COPS4: variants seen among roughly 807,000 people sequenced by gnomAD.
The protein encoded by COPS4 is COP9 signalosome complex subunit 4.
In COPS4, 8 loss-of-function variants were observed where a neutral mutation model predicts 55.1. The ratio of observed to expected loss-of-function variants is 0.15; its 90% CI spans 0.09 to 0.26. The LOEUF (loss-of-function observed/expected upper bound fraction) is 0.26. COPS4 is among the 10% of genes least tolerant of loss of function. The probability of loss-of-function intolerance (pLI) is 1.00; values close to 1 mark genes in which losing one functional copy is unlikely to be tolerated. For synonymous variants in COPS4, 185 were observed against 165.7 expected, an observed-to-expected ratio of 1.12 and a Z score of -0.90; for missense variants, 248 against 484.0, an observed-to-expected ratio of 0.51 and a Z score of 4.58.
chr4:83,049,520 G>T, intron 3 of COPS4: 2 of 524,224 alleles, frequency 3.8e-6, no homozygotes, highest in Non-Finnish European at 6.5e-6. Flanking sequence ...AGTAAAATTT[G>T]ATTTTGTGAA....
chr4:83,068,787 C>T (rs1355251472), intron 9 of COPS4, among the ~76,000 whole-genome samples: 6 of 151,970 alleles, frequency 3.9e-5, no homozygotes, highest in African/African-American at 7.2e-5. Flanking sequence ...CTGGCCAACA[C>T]GGTGAAACCC....
At chr4:83,062,764 A>C (rs959047504) in intron 6 of COPS4, among the ~76,000 whole-genome samples, 1 of 152,212 alleles carries the variant, frequency 6.6e-6, no homozygotes, top group African/African-American at 2.4e-5. Flanking sequence ...AATGTTAATG[A>C]ATCAACAATA....
chr4:83,037,797 A>G (rs959475940), intron 1 of COPS4, among the ~76,000 whole-genome samples: 1 of 152,152 alleles, frequency 6.6e-6, no homozygotes, highest in Non-Finnish European at 1.5e-5. Context: ...AGCAATTGGG[A>G]TATCTGTAAC....
chr4:83,055,909 TTTC>T (rs1731001017), intron 4 of COPS4, among the ~76,000 whole-genome samples: 1 of 145,730 alleles, frequency 6.9e-6, no homozygotes, highest in African/African-American at 2.5e-5. Context: ...TAGGATTTCT[TTTC>T]TTTTCTTTTT....
chr4:83,074,450 A>AT (rs1731512771), intron 9 of COPS4, among the ~76,000 whole-genome samples: 1 of 146,454 alleles, frequency 6.8e-6, no homozygotes, highest in Non-Finnish European at 1.5e-5. Context: ...ATTAGCCAAG[A>AT]TTTTTTAGAG....
chr4:83,068,423 T>C lies in COPS4; in HGVS notation c.1003-15T>C. Reference sequence around the variant, plus strand: ...ATATGATAAAGTTTCTGAGAGTTTTTTTTTCCCCCAATAGGCGGAAAAGAT... The same window carrying C: ...ATATGATAAAGTTTCTGAGAGTTTTCTTTTCCCCCAATAGGCGGAAAAGAT... On this transcript the variant is annotated splice_polypyrimidine_tract_variant and intron_variant, in intron 8 of 9. Coordinates refer to ENST00000264389, the MANE Select transcript of COPS4 (RefSeq NM_016129.3). 6.3e-7 allele frequency: 1 copy of C among 1,575,314 alleles called. No individual in the cohort carries two copies. The highest frequency in any genetic ancestry group is 8.7e-7 in the Non-Finnish European group (1 of 1,148,608).
chr4:83,044,506 G>C (rs1418355836), intron 1 of COPS4, among the ~76,000 whole-genome samples: 2 of 151,110 alleles, frequency 1.3e-5, no homozygotes, highest in Admixed American at 6.6e-5. Context: ...GGCCGGGCAC[G>C]GTGGCTAACG....
chr4:83,069,360 T>C (rs1731364244), intron 9 of COPS4, among the ~76,000 whole-genome samples: 1 of 152,236 alleles, frequency 6.6e-6, no homozygotes, highest in African/African-American at 2.4e-5. Flanking sequence ...TCCGTTACTC[T>C]CAGTTCAATT....
chr4:83,048,934 C>T lies in COPS4; in HGVS notation c.155-232C>T, dbSNP rs114477702. Among the ~76,000 whole-genome samples the T allele has an allele frequency of 1.3e-3, 200 of 152,150 alleles. 1 individual carries two copies. Among genetic ancestry groups the T allele is most frequent in the African/African-American group, 4.6e-3 (190 of 41,508 alleles). On this transcript the variant is annotated intron_variant, in intron 2 of 9. Coordinates refer to ENST00000264389, the MANE Select transcript of COPS4 (RefSeq NM_016129.3). Reference sequence around the variant, plus strand: ...TGCTGAGATTACAGGCGTGAGCCATCGCACTGGCCTATTTTTACTGTTTTT... The same window carrying T: ...TGCTGAGATTACAGGCGTGAGCCATTGCACTGGCCTATTTTTACTGTTTTT...
In COPS4 at chr4:83,050,004, T is replaced by C. The variant is rs557021764; in HGVS notation, c.410+20T>C. 3 of 1,413,082 alleles carry C rather than the reference T, an allele frequency of 2.1e-6. No individual in the cohort carries two copies. The highest frequency in any genetic ancestry group is 2.4e-5 in the South Asian group (2 of 83,926). The allele number at this position is 1,413,082 out of a possible 1,614,324, so 87.5% of individuals were successfully genotyped here. On this transcript the variant is annotated intron_variant, in intron 4 of 9. Coordinates refer to ENST00000264389, the MANE Select transcript of COPS4 (RefSeq NM_016129.3). ...ACAAAAGTATAGTAAATAGTGGATA[T>C]TGGATGACTATATATAGGATGTATA...
At chr4:83,049,404 A>G in intron 3 of COPS4, 87 bp downstream of exon 3, 2 of 1,203,862 alleles carry the variant, frequency 1.7e-6, no homozygotes, top group South Asian at 1.6e-5. Context: ...AAAGGAGATA[A>G]TCATCCAATT....
chr4:83,070,022 C>T (rs1731380687), intron 9 of COPS4, among the ~76,000 whole-genome samples: 1 of 152,174 alleles, frequency 6.6e-6, no homozygotes, highest in Non-Finnish European at 1.5e-5. Flanking sequence ...CTTTTATCTT[C>T]CAAATCTCAT....
At chr4:83,055,069 G>C (rs549767702) in intron 4 of COPS4, among the ~76,000 whole-genome samples, 1 of 152,230 alleles carries the variant, frequency 6.6e-6, no homozygotes, top group South Asian at 2.1e-4. Context: ...ATTCTCCTTT[G>C]CCCCCAAATC....
intron 4 of COPS4, among the ~76,000 whole-genome samples, chr4:83,054,203 G>A (rs1265827024): frequency 6.6e-6 from 1 of 152,100 alleles, no homozygotes; most frequent in African/African-American, 2.4e-5. Context: ...TTAGCCAGGT[G>A]TGGTGGCAGG....
At position 83,063,288 on chromosome 4, in the gene COPS4, G is replaced by C. The variant is rs1479378427; in HGVS notation, c.886+42G>C. 4.4e-6 allele frequency: 6 copies of C among 1,373,938 alleles called. No homozygotes were observed. In the African/African-American group the frequency reaches 8.0e-5, roughly 18 times the overall value. 85.1% of individuals were successfully genotyped at this position (1,373,938 alleles called of 1,614,324 possible). A position where few individuals can be genotyped will look rare whatever the true frequency, so the allele number is the denominator to read the frequency against. Reference sequence around the variant, plus strand: ...ATGTGTATATGGTAGTCAATGTTTAGGTACAGACTAGTGAAAATCATGTTA... The same window carrying C: ...ATGTGTATATGGTAGTCAATGTTTACGTACAGACTAGTGAAAATCATGTTA... On this transcript the variant is annotated intron_variant, in intron 7 of 9. Transcript: ENST00000264389.
At position 83,075,504 on chromosome 4, in the gene COPS4, T is replaced by G; in HGVS notation, c.*74T>G. The G allele has an allele frequency of 6.5e-7, 1 of 1,544,134 alleles. No individual in the cohort carries two copies. The highest frequency in any genetic ancestry group is 1.2e-5 in the South Asian group (1 of 86,728). On this transcript the variant is annotated 3_prime_UTR_variant, in exon 10 of 10. Transcript: ENST00000264389. ...GATCAGTTTCACTATCTCCAAAGCA[T>G]TTGCATCATGACCTTATACATTTCA...
intron 7 of COPS4, chr4:83,065,061 G>T: frequency 1.4e-6 from 1 of 691,060 alleles, no homozygotes; most frequent in South Asian, 1.5e-5. Context: ...TTTTTGTAGA[G>T]ACAGGATCTC....
At position 83,039,694 on chromosome 4, in the gene COPS4, A is replaced by T. The variant is rs140932741; in HGVS notation, c.74+4396A>T. 1.8e-3 allele frequency among the ~76,000 whole-genome samples: 281 copies of T among 152,212 alleles called. 2 individuals carry two copies. The highest frequency in any genetic ancestry group is 6.4e-3 in the African/African-American group (267 of 41,520). ...TTGCCCTGGCTTGAGTGCAGTAGAG[A>T]GATCATGGCTTACTACAGCCTTAAC... On this transcript the variant is annotated intron_variant, in intron 1 of 9. Transcript: ENST00000264389.
At position 83,057,006 on chromosome 4, in the gene COPS4, C is replaced by T. The variant is rs1311660242; in HGVS notation, c.491C>T (p.Ala164Val). 1 of 1,613,626 alleles carries T rather than the reference C, an allele frequency of 6.2e-7. No individual in the cohort carries two copies. Among genetic ancestry groups the T allele is most frequent in the South Asian group, 1.1e-5 (1 of 91,074 alleles). The part of the protein sequence containing the change: ...LYLEDDDPVQ[A>V]EAYINRASLL... ...CTGGAGGATGATGATCCAGTCCAGG[C>T]AGAGGCTTACATAAATCGAGCATCG... is the stretch of plus-strand genomic sequence containing the variant. The change falls in exon 5 of 10, where the codon GCA becomes GTA. Residue 164 changes from alanine to valine, a missense_variant. By Grantham distance (64) the Ala-to-Val change is moderately conservative. Around this residue, in one of 4 missense-constraint regions of COPS4, gnomAD observed 155 missense variants for 326.6 expected, o/e 0.47. Coordinates refer to ENST00000264389, the MANE Select transcript of COPS4 (RefSeq NM_016129.3).
Sources: gnomAD v4.1 joint callset for allele counts (sites outside exome capture counted in the v4.1 genomes callset) on GRCh38, gnomAD v4.1.1 for gene constraint, gnomAD v4.1.1 regional missense constraint, MANE v1.5 for transcripts, NCBI Gene and HGNC (gene_info 2026-07-23, HGNC 2026-07-21) for gene names.